SECISBP2: variants seen among roughly 807,000 people sequenced by gnomAD.
SECISBP2 encodes SECIS binding protein 2, also known as selenocysteine insertion sequence-binding protein 2.
Under a neutral mutation model 98.2 loss-of-function variants are expected in SECISBP2, and 96 were observed. The observed-to-expected ratio is 0.98, with a 90% CI of 0.83 to 1.16. The LOEUF is 1.16. Ranked by LOEUF, SECISBP2 falls within the 50% of genes most tolerant of loss-of-function variation. The pLI is 0.00. For synonymous variants in SECISBP2, 407 were observed against 370.2 expected (o/e 1.10, Z -1.14); for missense variants, 1,046 against 1,022.9 (o/e 1.02, Z -0.31).
At chr9:89,357,722 G>T (rs2132092429) in intron 15 of SECISBP2, among the ~76,000 whole-genome samples, 157 bp downstream of exon 15, 1 of 152,334 alleles carries the variant, frequency 6.6e-6, no homozygotes, top group Non-Finnish European at 1.5e-5. Flanking sequence ...TTATAAAAAA[G>T]TAGCCTTTGT....
In SECISBP2 at chr9:89,319,724, T is replaced by A; in HGVS notation, c.109T>A (p.Ser37Thr). 6.2e-7 allele frequency: 1 copy of A among 1,614,016 alleles called. No homozygotes were observed. Among genetic ancestry groups the A allele is most frequent in the Non-Finnish European group, 8.5e-7 (1 of 1,179,942 alleles). ...CGGGCTCAATGTGGCATGGTTAGAGTCCTCAGAAGCATGTGTCTTCCCCAG... is the reference window on the plus strand; with the variant it reads ...CGGGCTCAATGTGGCATGGTTAGAGACCTCAGAAGCATGTGTCTTCCCCAG... Reference protein sequence around the residue: ...FAGLNVAWLESSEACVFPSSA... With the variant: ...FAGLNVAWLETSEACVFPSSA... Residue 37 changes from serine to threonine, a missense_variant, in exon 2 of 17, where the codon TCC (serine) becomes ACC (threonine). Coordinates refer to ENST00000375807, the MANE Select transcript of SECISBP2 (RefSeq NM_024077.5).
chr9:89,355,743 T>G (rs1473650130), intron 14 of SECISBP2: 4 of 177,884 alleles, frequency 2.2e-5, no homozygotes, highest in Non-Finnish European at 3.3e-5. Flanking sequence ...CCTGGTTCCT[T>G]CATTTGTATA....
Position 89,328,821 on chromosome 9 carries a change from C to T in SECISBP2, c.736C>T (p.His246Tyr). 1 of 1,614,190 alleles carries T rather than the reference C, an allele frequency of 6.2e-7. No individual in the cohort carries two copies. Among genetic ancestry groups the T allele is most frequent in the Non-Finnish European group, 8.5e-7 (1 of 1,180,016 alleles). The change falls in exon 5 of 17, where the codon CAC becomes TAC. Residue 246 changes from histidine (H) to tyrosine (Y), a missense_variant. By Grantham distance (83) the His-to-Tyr change is moderately conservative. Coordinates refer to ENST00000375807, the MANE Select transcript of SECISBP2 (RefSeq NM_024077.5). ...GAAGCAACCCAAGTGGGGACCTGTC[C>T]ACTCTGTCTCTACCGACATTTCTCT... ...IQKQPKWGPV[H>Y]SVSTDISLLR... is the part of the protein sequence containing the mutation.
At position 89,358,807 on chromosome 9, in the gene SECISBP2, A is replaced by G; in HGVS notation, c.2548A>G (p.Met850Val). ...ESLEASTSQM[M>V]NLNL ...CTTGGAGGCTTCAACCTCTCAAATGATGAATTTGAATTTATGAGAGTTCTT... is the reference window on the plus strand; with the variant it reads ...CTTGGAGGCTTCAACCTCTCAAATGGTGAATTTGAATTTATGAGAGTTCTT... The change falls in exon 17 of 17, where the codon ATG (methionine) becomes GTG (valine). Residue 850 changes from methionine to valine, a missense_variant. Physicochemically the swap from Met to Val is conservative, Grantham distance 21. Coordinates refer to ENST00000375807, the MANE Select transcript of SECISBP2 (RefSeq NM_024077.5). The G allele has an allele frequency of 3.7e-6, 6 of 1,607,856 alleles. No individual in the cohort carries two copies. The highest frequency in any genetic ancestry group is 5.1e-6 in the Non-Finnish European group (6 of 1,174,284).
chr9:89,348,564 C>T (rs559421547), intron 12 of SECISBP2, among the ~76,000 whole-genome samples: 11 of 152,330 alleles, frequency 7.2e-5, no homozygotes, highest in African/African-American at 2.4e-4. Flanking sequence ...GACGTGGGGG[C>T]GTGAACACAA....
At chr9:89,347,954 G>T in intron 11 of SECISBP2, 125 bp from the exon 12 acceptor site, 1 of 899,466 alleles carries the variant, frequency 1.1e-6, no homozygotes, top group Non-Finnish European at 1.7e-6. Flanking sequence ...GGGAGCACTT[G>T]GCTGCTCTCA....
At chr9:89,331,203 G>T (rs960812407) in intron 5 of SECISBP2, among the ~76,000 whole-genome samples, 1 of 152,072 alleles carries the variant, frequency 6.6e-6, no homozygotes, top group Non-Finnish European at 1.5e-5. Context: ...ACAGTCTTAC[G>T]TTTGAATTGT....
At chr9:89,354,904 T>G in intron 14 of SECISBP2, 1 of 985,436 alleles carries the variant, frequency 1.0e-6, no homozygotes, top group Non-Finnish European at 1.2e-6. Flanking sequence ...GATTTCACTG[T>G]AAGTATACCT....
rs771490684 is a variant in SECISBP2 at position 89,357,488 on chromosome 9, C to T, written c.2191C>T (p.Arg731Cys). 6.8e-6 allele frequency: 11 copies of T among 1,614,074 alleles called. No homozygotes were observed. The highest frequency in any genetic ancestry group is 1.3e-5 in the African/African-American group (1 of 74,916). Residue 731 changes from arginine to cysteine, a missense_variant, in exon 15 of 17, where the codon CGC becomes TGC. Arg to Cys is a radical substitution (Grantham distance 180). Coordinates refer to ENST00000375807, the MANE Select transcript of SECISBP2 (RefSeq NM_024077.5). ...CATTCCCTTTGTGTTTGCTCTCAAC[C>T]GCAAAGCTCTGGGGCGCAGTTTGAA... ...QNIPFVFALNRKALGRSLNKA... is the reference protein window; with the variant it reads ...QNIPFVFALNCKALGRSLNKA...
chr9:89,358,517 A>G (rs1832449740), intron 16 of SECISBP2, among the ~76,000 whole-genome samples: 1 of 152,162 alleles, frequency 6.6e-6, no homozygotes, highest in Non-Finnish European at 1.5e-5. Flanking sequence ...CCTATAGAAG[A>G]TGGCCCCCCA....
chr9:89,363,271 C>T (rs1833015019), downstream of SECISBP2, among the ~76,000 whole-genome samples: 1 of 147,690 alleles, frequency 6.8e-6, no homozygotes, highest in African/African-American at 2.4e-5. Context: ...GGGATTTCCC[C>T]CCCCAGTGTT....
chr9:89,364,173 AT>A, downstream of SECISBP2: 1 of 879,450 alleles, frequency 1.1e-6, no homozygotes, highest in Non-Finnish European at 1.7e-6. Flanking sequence ...TTTGACCTTA[AT>A]TGCCATTTTT....
At position 89,347,382 on chromosome 9, in the gene SECISBP2, A is replaced by C. The variant is rs76709089; in HGVS notation, c.1602+334A>C. Reference sequence around the variant, plus strand: ...CCCCCTTCATCCTACCCTAGCTGATATTTCTGATGTTGAGAGTCAGTGAAT... The same window carrying C: ...CCCCCTTCATCCTACCCTAGCTGATCTTTCTGATGTTGAGAGTCAGTGAAT... On this transcript the variant is annotated intron_variant, in intron 11 of 16. Transcript: ENST00000375807. 7.0e-3 allele frequency among the ~76,000 whole-genome samples: 1,054 copies of C among 149,576 alleles called. 16 individuals carry two copies. The highest frequency in any genetic ancestry group is 0.024 in the African/African-American group (996 of 40,708).
rs148072773 is a variant in SECISBP2, at chr9:89,329,237, C to T, written c.801+351C>T. The T allele has an allele frequency of 9.9e-3, 2,675 of 269,574 alleles. 31 individuals carry two copies. The highest frequency in any genetic ancestry group is 0.019 in the South Asian group (491 of 25,480). 16.7% of individuals were successfully genotyped at this position (269,574 alleles called of 1,614,324 possible). ...AAGCAATTCTCCTGCCTCAGCCTCT[C>T]GAGTAGCTGGGACTACGGGCGCACA... On this transcript the variant is annotated intron_variant, in intron 5 of 16. Coordinates refer to ENST00000375807, the MANE Select transcript of SECISBP2 (RefSeq NM_024077.5).
chr9:89,347,942 T>C (rs924953388), intron 11 of SECISBP2, 137 bp from the exon 12 acceptor site: 2 of 810,210 alleles, frequency 2.5e-6, no homozygotes, highest in Non-Finnish European at 4.0e-6. Flanking sequence ...CCCTGGAGTC[T>C]GGGGAGCACT....
intron 14 of SECISBP2, among the ~76,000 whole-genome samples, chr9:89,353,412 A>T (rs1428467340): frequency 6.6e-6 from 1 of 152,098 alleles, no homozygotes; most frequent in Non-Finnish European, 1.5e-5. Context: ...TCATCCTCTC[A>T]CCACCATTAG....
At chr9:89,318,645 C>T in intron 1 of SECISBP2, 33 bp downstream of exon 1, 1 of 1,395,362 alleles carries the variant, frequency 7.2e-7, no homozygotes, top group African/African-American at 1.5e-5. Flanking sequence ...TCGGCAGCCT[C>T]AGTCCGTCCG....
intron 6 of SECISBP2, among the ~76,000 whole-genome samples, chr9:89,333,721 C>T (rs1358881439): frequency 2.0e-5 from 3 of 152,204 alleles, no homozygotes. Context: ...CTGTCCTGGC[C>T]AAGAAGTAAT....
chr9:89,325,763 T>C, intron 3 of SECISBP2, 87 bp downstream of exon 3: 1 of 1,592,204 alleles, frequency 6.3e-7, no homozygotes, highest in Middle Eastern at 1.7e-4. Context: ...GTACATCATA[T>C]TTAAGTATCA....
Sources: gnomAD v4.1 joint callset for allele counts (sites outside exome capture counted in the v4.1 genomes callset) on GRCh38, gnomAD v4.1.1 for gene constraint, MANE v1.5 for transcripts, NCBI Gene and HGNC (gene_info 2026-07-23, HGNC 2026-07-21) for gene names.